RASSF5: variants seen among roughly 807,000 people sequenced by gnomAD.
RASSF5 encodes the protein Ras association domain family member 5.
In RASSF5, 25 loss-of-function variants were observed where a neutral mutation model predicts 40.5. That is an observed-to-expected ratio of 0.62 (90% CI 0.45 to 0.86). RASSF5 has a LOEUF of 0.86. Among genes scored for constraint, RASSF5 ranks in the 40% least tolerant of loss-of-function variants. The pLI is 0.00. For synonymous variants in RASSF5, 246 were observed against 252.4 expected, an observed-to-expected ratio of 0.97 and a Z score of 0.24; for missense variants, 521 against 572.8, an observed-to-expected ratio of 0.91 and a Z score of 0.92.
In RASSF5 at chr1:206,560,580, C is replaced by T. The variant is rs1553402439; in HGVS notation, c.579+22287C>T. On this transcript the variant is annotated intron_variant, in intron 2 of 5. Transcript: ENST00000579436. This position sits in a 1 kb window ranked among gnomAD's most constrained non-coding sequence, Gnocchi z 5.1. ...TTTTAGGAGGCTGAGGCAGTACTCT[C>T]CTGGTACTTTCCCACTTGGCTAGGC... Among the ~76,000 whole-genome samples the T allele has an allele frequency of 1.3e-5, 2 of 152,202 alleles. No homozygotes were observed. The highest frequency in any genetic ancestry group is 2.1e-4 in the South Asian group (1 of 4,834).
chr1:206,552,495 C>T lies in RASSF5; in HGVS notation c.579+14202C>T, dbSNP rs1204186013. On this transcript the variant is annotated intron_variant, in intron 2 of 5. Coordinates refer to ENST00000579436, the MANE Select transcript of RASSF5 (RefSeq NM_182663.4). This position sits in a 1 kb window ranked among gnomAD's most constrained non-coding sequence, Gnocchi z 4.1. ...CTGGGAATGTGGATCGAATTTTGTG[C>T]AGCTGTAATGAGGGTTGCTTGATTG... 2.0e-5 allele frequency among the ~76,000 whole-genome samples: 3 copies of T among 152,098 alleles called. No individual in the cohort carries two copies. Among genetic ancestry groups the T allele is most frequent in the African/African-American group, 7.2e-5 (3 of 41,396 alleles).
intron 5 of RASSF5, chr1:206,585,983 T>TG (rs1553407569): frequency 6.6e-6 from 1 of 152,260 alleles, no homozygotes; most frequent in Non-Finnish European, 1.5e-5. Context: ...AGAATATGTT[T>TG]GGAAAAAGTA....
intron 1 of RASSF5, among the ~76,000 whole-genome samples, chr1:206,519,822 A>T (rs1479968942): frequency 5.9e-5 from 9 of 152,206 alleles, no homozygotes; most frequent in African/African-American, 2.2e-4. Context: ...TGGGAATTTT[A>T]ATTCAACTAG....
chr1:206,579,752 C>G lies in RASSF5; in HGVS notation c.580-3517C>G, dbSNP rs951370769. 4.6e-5 allele frequency among the ~76,000 whole-genome samples: 7 copies of G among 152,208 alleles called. No homozygotes were observed. Among genetic ancestry groups the G allele is most frequent in the Non-Finnish European group, 1.0e-4 (7 of 68,046 alleles). On this transcript the variant is annotated intron_variant, in intron 2 of 5. Coordinates refer to ENST00000579436, the MANE Select transcript of RASSF5 (RefSeq NM_182663.4). This position sits in a 1 kb window ranked among gnomAD's most constrained non-coding sequence, Gnocchi z 4.2. ...CCCAGGCAGCTAAGTTTCTAAAGAT[C>G]CCCCAGATGATTGCACTGTGCAGAC...
At chr1:206,516,462 CT>C (rs532073665) in intron 1 of RASSF5, among the ~76,000 whole-genome samples, 361 of 146,020 alleles carry the variant, frequency 2.5e-3, no homozygotes, top group African/African-American at 3.6e-3. Flanking sequence ...TTACACGTGA[CT>C]TTTTTTTTTT....
intron 2 of RASSF5, among the ~76,000 whole-genome samples, chr1:206,582,296 A>T (rs1262060816): frequency 6.6e-6 from 1 of 152,124 alleles, no homozygotes; most frequent in Non-Finnish European, 1.5e-5. Context: ...TATCCTTCCC[A>T]GGGGGTGGGA....
At chr1:206,557,465 G>C in intron 2 of RASSF5, 1 of 1,538,284 alleles carries the variant, frequency 6.5e-7, no homozygotes, top group Non-Finnish European at 8.7e-7. Flanking sequence ...CTCAGAGCTA[G>C]GGGCTTACGC....
rs782187989 is a variant in RASSF5, at chr1:206,535,404, A to C, written c.458-2768A>C. 6.6e-6 allele frequency among the ~76,000 whole-genome samples: 1 copy of C among 152,114 alleles called. No homozygotes were observed. Among genetic ancestry groups the C allele is most frequent in the Non-Finnish European group, 1.5e-5 (1 of 68,010 alleles). On this transcript the variant is annotated intron_variant, in intron 1 of 5. Transcript: ENST00000579436. This position sits in a 1 kb window ranked among gnomAD's most constrained non-coding sequence, Gnocchi z 5.0. The stretch of plus-strand genomic sequence containing the variant: ...CTTTGGAATCTCATGGGTCTCCCCA[A>C]TCCCTGAAAATGTCAGGCCTGCAGG...
chr1:206,571,453 C>T (rs1668446915), intron 2 of RASSF5: 1 of 152,154 alleles, frequency 6.6e-6, no homozygotes, highest in Non-Finnish European at 1.5e-5. Context: ...TACCCACCGT[C>T]CATCCTTAAT....
At chr1:206,558,868 C>T (rs1296348576) in intron 2 of RASSF5, among the ~76,000 whole-genome samples, 20 of 152,150 alleles carry the variant, frequency 1.3e-4, no homozygotes, top group African/African-American at 2.2e-4. Flanking sequence ...AAGGGACAGG[C>T]GTCCCTTTCC....
At chr1:206,525,018 TC>T in intron 1 of RASSF5, among the ~76,000 whole-genome samples, 1 of 152,182 alleles carries the variant, frequency 6.6e-6, no homozygotes, top group East Asian at 1.9e-4. Flanking sequence ...TGGCAGGCAC[TC>T]CTCTTACTTC....
Position 206,507,798 on chromosome 1 carries a change from G to A in RASSF5, c.196G>A (p.Ala66Thr). The A allele has an allele frequency of 7.2e-7, 1 of 1,395,908 alleles. No homozygotes were observed. Among genetic ancestry groups the A allele is most frequent in the Non-Finnish European group, 9.2e-7 (1 of 1,084,634 alleles). The allele number at this position is 1,395,908 out of a possible 1,614,324, so 86.5% of individuals were successfully genotyped here. The change falls in exon 1 of 6, where the codon GCC becomes ACC. Residue 66 changes from alanine to threonine, a missense_variant. By Grantham distance (58) the Ala-to-Thr change is moderately conservative. This residue lies in a region of RASSF5 where 237 missense variants were observed against 212.0 expected (regional missense o/e 1.12). Coordinates refer to ENST00000579436, the MANE Select transcript of RASSF5 (RefSeq NM_182663.4). ...AREGRSARRA[A>T]RGNLEPPPRA... ...CGAGGGGCGCAGCGCCCGGAGGGCT[G>A]CCCGGGGGAACCTGGAGCCCCCGCC...
chr1:206,551,891 A>T (rs1436338159), intron 2 of RASSF5, among the ~76,000 whole-genome samples: 16 of 152,212 alleles, frequency 1.1e-4, no homozygotes, highest in African/African-American at 3.9e-4. Flanking sequence ...ATGTTGGAGG[A>T]TTGGCCCTGC....
chr1:206,586,084 G>C (rs550539082), intron 5 of RASSF5: 1 of 152,444 alleles, frequency 6.6e-6, no homozygotes, highest in East Asian at 1.9e-4. Flanking sequence ...CAGTTCTGCT[G>C]CAATGAGCTC....
At position 206,584,466 on chromosome 1, in the gene RASSF5, G is replaced by A. The variant is rs782470099; in HGVS notation, c.770G>A (p.Arg257Gln). 15 of 1,614,026 alleles carry A rather than the reference G, an allele frequency of 9.3e-6. No individual in the cohort carries two copies. The South Asian group carries it at 1.3e-4, about 14-fold the overall frequency. ...CCTGTGACGGTGCCTGCTGGGATCC[G>A]GCCCCAGTCCATCTATGATGCCATC... ...RRPVTVPAGI[R>Q]PQSIYDAIKE... Residue 257 changes from arginine to glutamine, a missense_variant, in exon 4 of 6, where the codon CGG (arginine) becomes CAG (glutamine). By Grantham distance (43) the Arg-to-Gln change is conservative (BLOSUM62 1). Coordinates refer to ENST00000579436, the MANE Select transcript of RASSF5 (RefSeq NM_182663.4). The surrounding 1 kb of genome is among the most constrained non-coding windows in gnomAD (Gnocchi z 4.9).
At chr1:206,565,115 T>C (rs1175157536) in intron 2 of RASSF5, among the ~76,000 whole-genome samples, 3 of 152,216 alleles carry the variant, frequency 2.0e-5, no homozygotes, top group African/African-American at 7.2e-5. Flanking sequence ...CATTTATTTC[T>C]CTGTCTCTGC....
chr1:206,577,717 G>A (rs139283013), intron 2 of RASSF5, among the ~76,000 whole-genome samples: 1 of 152,326 alleles, frequency 6.6e-6, no homozygotes, highest in East Asian at 1.9e-4. Flanking sequence ...GAAATCCAAG[G>A]CTCACTGCAC....
intron 2 of RASSF5, chr1:206,557,717 G>C (rs1553401995): frequency 6.2e-7 from 1 of 1,612,924 alleles, no homozygotes; most frequent in South Asian, 1.1e-5. Flanking sequence ...TGGAATGCAG[G>C]AGCCTTTCGT....
At chr1:206,542,024 T>C (rs1402305578) in intron 2 of RASSF5, 1 of 152,244 alleles carries the variant, frequency 6.6e-6, no homozygotes. Context: ...GGGTGCCGCT[T>C]TTCTTGGTAC....
Sources: allele counts gnomAD v4.1 joint callset (sites outside exome capture counted in the v4.1 genomes callset), GRCh38; gene constraint gnomAD v4.1.1; regional missense constraint gnomAD v4.1.1; non-coding constraint Gnocchi (gnomAD v3.1); transcripts MANE v1.5; gene names NCBI Gene and HGNC (gene_info 2026-07-23, HGNC 2026-07-21).